TRIM16: variants seen among roughly 807,000 people sequenced by gnomAD.
TRIM16 encodes tripartite motif containing 16.
TRIM16 carries 33 observed loss-of-function variants against 50.4 expected under a neutral mutation model. The ratio of observed to expected loss-of-function variants is 0.65; its 90% CI spans 0.50 to 0.88. The LOEUF is 0.88. TRIM16 is among the 40% of genes least tolerant of loss of function. The pLI, the probability that TRIM16 is intolerant of heterozygous loss-of-function variation, is 0.00. For synonymous variants in TRIM16, 229 were observed against 270.7 expected (o/e 0.85, Z 1.51); for missense variants, 581 against 686.8 (o/e 0.85, Z 1.72).
chr17:15,681,050 C>T (rs1989163387), intron 3 of TRIM16, 97 bp from the exon 4 acceptor site: 3 of 1,178,022 alleles, frequency 2.5e-6, no homozygotes, highest in South Asian at 1.6e-5. Context: ...GTGCCTCTGA[C>T]CTTGGCTGTC....
rs762002659 is a variant in TRIM16, at chr17:15,651,128, G to A, written c.482C>T (p.Thr161Ile). Residue 161 changes from threonine to isoleucine, a missense_variant, in exon 7 of 12, where the codon ACC becomes ATC. Transcript: ENST00000649191. ...GCGGGCTGCATCCAGGGAGACTATG[G>A]TGTGGCCACTGTGCTCCTGGCAACA... Reference protein sequence around the residue: ...QDCCQEHSGHTIVSLDAARRD... With the variant: ...QDCCQEHSGHIIVSLDAARRD... The A allele has an allele frequency of 6.2e-7, 1 of 1,613,978 alleles. No homozygotes were observed. Among genetic ancestry groups the A allele is most frequent in the Non-Finnish European group, 8.5e-7 (1 of 1,179,936 alleles).
chr17:15,647,166 G>A (rs1987431018), intron 7 of TRIM16, among the ~76,000 whole-genome samples: 1 of 151,598 alleles, frequency 6.6e-6, no homozygotes, highest in South Asian at 2.1e-4. Context: ...TAGAGACAAG[G>A]TTTCACCATG....
intron 9 of TRIM16, among the ~76,000 whole-genome samples, chr17:15,633,939 A>G (rs1986569669): frequency 6.7e-6 from 1 of 148,674 alleles, no homozygotes; most frequent in Non-Finnish European, 1.5e-5. Flanking sequence ...TCATGCCTGC[A>G]ATCCCAGCAC....
chr17:15,646,192 C>T (rs929195839), intron 7 of TRIM16, among the ~76,000 whole-genome samples: 5 of 152,130 alleles, frequency 3.3e-5, no homozygotes, highest in African/African-American at 7.2e-5. Context: ...AGTACATAAT[C>T]GGGGACTTTC....
intron 4 of TRIM16, among the ~76,000 whole-genome samples, chr17:15,679,885 T>A (rs9913900): frequency 0.019 from 2,799 of 147,108 alleles, 96 homozygotes; most frequent in African/African-American, 0.067. Flanking sequence ...TGCAGTGAGC[T>A]GAGATCGCGC....
intron 7 of TRIM16, among the ~76,000 whole-genome samples, chr17:15,649,496 C>G (rs1987579802): frequency 6.6e-6 from 1 of 152,070 alleles, no homozygotes; most frequent in Admixed American, 6.6e-5. Flanking sequence ...CCGTGTTAGC[C>G]AGGATGGTCT....
At chr17:15,660,549 C>T (rs1988178946) in intron 6 of TRIM16, among the ~76,000 whole-genome samples, 1 of 152,150 alleles carries the variant, frequency 6.6e-6, no homozygotes, top group East Asian at 1.9e-4. Context: ...AGGCAGCCCT[C>T]CTCCAATCAT....
At chr17:15,645,274 G>A (rs1237787479) in intron 7 of TRIM16, among the ~76,000 whole-genome samples, 3 of 152,150 alleles carry the variant, frequency 2.0e-5, no homozygotes, top group Non-Finnish European at 2.9e-5. Context: ...TTATTAATGA[G>A]CTCCATAAAT....
intron 6 of TRIM16, among the ~76,000 whole-genome samples, chr17:15,665,478 C>T (rs1988458181): frequency 6.6e-6 from 1 of 152,208 alleles, no homozygotes; most frequent in Middle Eastern, 3.4e-3. Flanking sequence ...CACTGCACTC[C>T]AGCCTAGGCG....
Position 15,628,712 on chromosome 17 carries a change from G to C in TRIM16, c.1598C>G (p.Ala533Gly). 6.2e-7 allele frequency: 1 copy of C among 1,614,156 alleles called. No homozygotes were observed. The part of the protein sequence containing the change: ...ACKFSEPVYA[A>G]FWLSKKENAI... The stretch of plus-strand genomic sequence containing the variant: ...GTTTTCCTTCTTGGAAAGCCAGAAG[G>C]CAGCATAGACTGGTTCTGAAAATTT... Residue 533 changes from alanine (A) to glycine (G), a missense_variant, in exon 12 of 12, where the codon GCC becomes GGC. Transcript: ENST00000649191.
intron 3 of TRIM16, among the ~76,000 whole-genome samples, chr17:15,681,634 T>G (rs1026821924): frequency 6.6e-6 from 1 of 152,246 alleles, no homozygotes; most frequent in South Asian, 2.1e-4. Flanking sequence ...CTTCTGCTCA[T>G]AATTTACTTC....
At chr17:15,669,885 A>G (rs1988654514) in intron 6 of TRIM16, among the ~76,000 whole-genome samples, 2 of 152,180 alleles carry the variant, frequency 1.3e-5, no homozygotes, top group Non-Finnish European at 1.5e-5. Context: ...TCTATCCTCT[A>G]GGTGCCAGTA....
rs111501813 is a variant in TRIM16 at position 15,643,148 on chromosome 17, G to C, written c.520-332C>G. The C allele has an allele frequency of 8.9e-4, 960 of 1,073,092 alleles. 277 individuals carry two copies. The African/African-American group carries it at 0.022, about 25-fold the overall frequency. The allele number at this position is 1,073,092 out of a possible 1,614,324, so 66.5% of individuals were successfully genotyped here. ...TAAAATCCTAAACCCCCAACAATCT[G>C]AATGGATCCCTCCTCTCAGCAAAGG... On this transcript the variant is annotated intron_variant, in intron 7 of 11. Transcript: ENST00000649191.
At position 15,629,113 on chromosome 17, in the gene TRIM16, C is replaced by T. The variant is rs1304769779; in HGVS notation, c.1197G>A (p.Thr399=). The part of the protein sequence containing the change: ...QEENRKVTNT[T]PWEHPYPDLP... ...GGTCCGGGTAGGGATGCTCCCAGGGCGTGGTGTTGGTGACCTTGCGGTTCT... is the reference window on the plus strand; with the variant it reads ...GGTCCGGGTAGGGATGCTCCCAGGGTGTGGTGTTGGTGACCTTGCGGTTCT... Residue 399 remains threonine (T), a synonymous_variant, in exon 12 of 12, where the codon ACG becomes ACA. Transcript: ENST00000649191. 6.2e-7 allele frequency: 1 copy of T among 1,613,516 alleles called. No homozygotes were observed. The highest frequency in any genetic ancestry group is 8.5e-7 in the Non-Finnish European group (1 of 1,179,756).
chr17:15,639,464 C>T (rs1182895061), intron 8 of TRIM16, among the ~76,000 whole-genome samples: 1 of 148,112 alleles, frequency 6.8e-6, no homozygotes, highest in Non-Finnish European at 1.5e-5. Flanking sequence ...TAAGGAAGAG[C>T]GGGGATGGTA....
intron 7 of TRIM16, among the ~76,000 whole-genome samples, chr17:15,644,190 T>C (rs1182816200): frequency 6.6e-6 from 1 of 152,080 alleles, no homozygotes; most frequent in Admixed American, 6.5e-5. Flanking sequence ...TGGGTTTGTG[T>C]CTTTGTTTAT....
intron 7 of TRIM16, among the ~76,000 whole-genome samples, chr17:15,644,681 G>GC (rs200389402): frequency 0.035 from 5,270 of 152,072 alleles, 146 homozygotes; most frequent in East Asian, 0.13. Context: ...GCTCTCGGGA[G>GC]CCCCCTCAGC....
chr17:15,660,874 G>A (rs373574103), intron 6 of TRIM16, among the ~76,000 whole-genome samples: 2 of 144,430 alleles, frequency 1.4e-5, no homozygotes, highest in Non-Finnish European at 3.0e-5. Context: ...CTCCAGCCTG[G>A]GCGACAGAGC....
Position 15,629,091 on chromosome 17 carries a change from C to T in TRIM16, c.1219G>A (p.Asp407Asn). The T allele has an allele frequency of 6.2e-7, 1 of 1,613,924 alleles. No individual in the cohort carries two copies. Among genetic ancestry groups the T allele is most frequent in the Non-Finnish European group, 8.5e-7 (1 of 1,179,894 alleles). Reference sequence around the variant, plus strand: ...CAGTGCAGGAACCTGCTGGGGAGGTCCGGGTAGGGATGCTCCCAGGGCGTG... The same window carrying T: ...CAGTGCAGGAACCTGCTGGGGAGGTTCGGGTAGGGATGCTCCCAGGGCGTG... Reference protein sequence around the residue: ...NTTPWEHPYPDLPSRFLHWRQ... With the variant: ...NTTPWEHPYPNLPSRFLHWRQ... Residue 407 changes from aspartate to asparagine, a missense_variant, in exon 12 of 12, where the codon GAC (aspartate) becomes AAC (asparagine). Around this residue, in one of 3 missense-constraint regions of TRIM16, gnomAD observed 450 missense variants for 544.3 expected, o/e 0.83. Transcript: ENST00000649191.
Sources: gnomAD v4.1 joint callset for allele counts (sites outside exome capture counted in the v4.1 genomes callset) on GRCh38, gnomAD v4.1.1 for gene constraint, gnomAD v4.1.1 regional missense constraint, MANE v1.5 for transcripts, NCBI Gene and HGNC (gene_info 2026-07-23, HGNC 2026-07-21) for gene names.